Variants in ZNF236 observed in about 807,000 individuals in gnomAD.
ZNF236 encodes the protein zinc finger protein 236.
ZNF236 carries 50 observed loss-of-function variants against 191.2 expected under a neutral mutation model. The observed-to-expected ratio is 0.26, with a 90% CI of 0.21 to 0.33. The LOEUF (loss-of-function observed/expected upper bound fraction) is 0.33, where lower values mean the gene tolerates loss of function less well. ZNF236 is among the 10% of genes least tolerant of loss of function. The probability of loss-of-function intolerance (pLI) is 1.00; values close to 1 mark genes in which losing one functional copy is unlikely to be tolerated. For synonymous variants in ZNF236, 907 were observed against 928.8 expected, an observed-to-expected ratio of 0.98 and a Z score of 0.43; for missense variants, 1,754 against 2,374.5, an observed-to-expected ratio of 0.74 and a Z score of 5.43.
intron 1 of ZNF236, among the ~76,000 whole-genome samples, chr18:76,836,722 C>T (rs1367603118): frequency 3.3e-5 from 5 of 151,442 alleles, no homozygotes; most frequent in South Asian, 2.1e-4. Context: ...GAGCTACAGG[C>T]GCCCGCCACC....
At chr18:76,940,471 A>G (rs1451098772) in intron 26 of ZNF236, among the ~76,000 whole-genome samples, 1 of 152,226 alleles carries the variant, frequency 6.6e-6, no homozygotes, top group Non-Finnish European at 1.5e-5. Context: ...TGTGTTTCTT[A>G]TTGTAGACTT....
At chr18:76,862,077 A>G (rs1465593074) in intron 3 of ZNF236, among the ~76,000 whole-genome samples, 1 of 152,040 alleles carries the variant, frequency 6.6e-6, no homozygotes, top group African/African-American at 2.4e-5. Flanking sequence ...GTTAGCCAGG[A>G]TGGTCTCAAT....
rs765828358 is a variant in ZNF236 at position 76,947,663 on chromosome 18, T to C, written c.4914+11T>C. 9.3e-6 allele frequency: 15 copies of C among 1,611,840 alleles called. No homozygotes were observed. Among genetic ancestry groups the C allele is most frequent in the Non-Finnish European group, 1.3e-5 (15 of 1,178,794 alleles). On this transcript the variant is annotated intron_variant, in intron 27 of 30. Transcript: ENST00000320610. ...GAAATAGCCTACCAGGTACAGGATA[T>C]TCCTTCATTCACAGAGCTTTTGTCG...
rs1314894466 is a variant in ZNF236, at chr18:76,923,083, C to A, written c.3570C>A (p.Ile1190=). Residue 1190 remains isoleucine (I), a synonymous_variant, in exon 21 of 31, where the codon ATC becomes ATA. Transcript: ENST00000320610. The stretch of plus-strand genomic sequence containing the variant: ...GCTTTTTGGATAGGCATGTTCGAAT[C>A]CATACTGGAGAAAAGCCATACAAAT... ...KPSDLVRHVR[I]HTGEKPYKCD... is the part of the protein sequence containing the mutation. 1 of 1,613,086 alleles carries A rather than the reference C, an allele frequency of 6.2e-7. No homozygotes were observed. Among genetic ancestry groups the A allele is most frequent in the Non-Finnish European group, 8.5e-7 (1 of 1,179,226 alleles).
At chr18:76,929,623 T>A (rs1452616824) in intron 25 of ZNF236, among the ~76,000 whole-genome samples, 1 of 152,214 alleles carries the variant, frequency 6.6e-6, no homozygotes, top group Non-Finnish European at 1.5e-5. Context: ...AACTAATATT[T>A]TAAGAATTTG....
intron 10 of ZNF236, among the ~76,000 whole-genome samples, chr18:76,897,939 C>T (rs183278072): frequency 4.6e-5 from 7 of 152,304 alleles, no homozygotes; most frequent in Non-Finnish European, 8.8e-5. Flanking sequence ...AAAACAGATG[C>T]AACCTTGATC....
intron 27 of ZNF236, among the ~76,000 whole-genome samples, chr18:76,948,805 C>T (rs1169026135): frequency 1.3e-5 from 2 of 152,216 alleles, no homozygotes; most frequent in Admixed American, 6.5e-5. Flanking sequence ...TATGCGGTCT[C>T]CAGGCCCCTG....
intron 28 of ZNF236, among the ~76,000 whole-genome samples, chr18:76,956,995 A>T (rs577038046): frequency 6.6e-6 from 1 of 152,328 alleles, no homozygotes; most frequent in East Asian, 1.9e-4. Flanking sequence ...AAACCCCGTA[A>T]CATGAGAAAA....
chr18:76,914,022 A>G, intron 18 of ZNF236, 124 bp downstream of exon 18: 1 of 1,078,628 alleles, frequency 9.3e-7, no homozygotes, highest in Non-Finnish European at 1.3e-6. Context: ...TAGTATGTTC[A>G]TAGAGTTCTG....
intron 30 of ZNF236, among the ~76,000 whole-genome samples, chr18:76,962,117 G>C (rs1393435900): frequency 6.6e-6 from 1 of 152,002 alleles, no homozygotes; most frequent in African/African-American, 2.4e-5. Context: ...ATTCACTTTT[G>C]TGCTCTTGGT....
intron 27 of ZNF236, 103 bp from the exon 28 acceptor site, chr18:76,955,882 C>A: frequency 7.6e-7 from 1 of 1,320,218 alleles, no homozygotes; most frequent in Non-Finnish European, 1.1e-6. Flanking sequence ...CTTGGCGTGT[C>A]CGTGCTAGGA....
At chr18:76,869,131 G>T (rs1431860755) in intron 4 of ZNF236, among the ~76,000 whole-genome samples, 4 of 152,208 alleles carry the variant, frequency 2.6e-5, no homozygotes, top group African/African-American at 9.7e-5. Context: ...ATGTTTATGG[G>T]TAGGTAACAA....
intron 26 of ZNF236, among the ~76,000 whole-genome samples, chr18:76,940,324 A>G (rs62103927): frequency 6.3e-5 from 3 of 47,296 alleles, no homozygotes; most frequent in Admixed American, 2.6e-4. Context: ...ATGGTGGGCT[A>G]CCCTAGCATT....
At chr18:76,898,974 G>A (rs769930415) in intron 10 of ZNF236, 45 bp from the exon 11 acceptor site, 6 of 1,521,872 alleles carry the variant, frequency 3.9e-6, no homozygotes, top group Non-Finnish European at 5.5e-6. Context: ...CTGTTGAGAT[G>A]TAATTTCTGG....
At chr18:76,888,929 G>A (rs887234041) in intron 9 of ZNF236, among the ~76,000 whole-genome samples, 2 of 152,214 alleles carry the variant, frequency 1.3e-5, no homozygotes, top group African/African-American at 4.8e-5. Flanking sequence ...GTGGTCTATG[G>A]CACCTTCTCT....
intron 26 of ZNF236, among the ~76,000 whole-genome samples, chr18:76,946,422 G>A (rs1277345192): frequency 1.3e-5 from 2 of 152,130 alleles, no homozygotes; most frequent in African/African-American, 4.8e-5. Flanking sequence ...GCGTGAAAAC[G>A]GACTAATATA....
At position 76,915,811 on chromosome 18, in the gene ZNF236, C is replaced by A. The variant is rs766179520; in HGVS notation, c.3226C>A (p.Gln1076Lys). 2 of 1,614,136 alleles carry A rather than the reference C, an allele frequency of 1.2e-6. No homozygotes were observed. The highest frequency in any genetic ancestry group is 2.2e-5 in the South Asian group (2 of 91,076). Residue 1076 changes from glutamine to lysine, a missense_variant, in exon 19 of 31, where the codon CAA becomes AAA. By Grantham distance (53) the Gln-to-Lys change is moderately conservative (BLOSUM62 1). This residue lies in a region of ZNF236 where 641 missense variants were observed against 869.6 expected (regional missense o/e 0.74). Coordinates refer to ENST00000320610, the MANE Select transcript of ZNF236 (RefSeq NM_001306089.2). The stretch of plus-strand genomic sequence containing the variant: ...TTGTAAAAAGCACATGAAGAGACAC[C>A]AAACAGTCCCCTCTGCTGTGTCAGC... Reference protein sequence around the residue: ...VHCKKHMKRHQTVPSAVSATG... With the variant: ...VHCKKHMKRHKTVPSAVSATG...
rs950833451 is a variant in ZNF236, at chr18:76,913,840, C to T, written c.3003C>T (p.Leu1001=). The change falls in exon 18 of 31, where the codon CTC becomes CTT. Residue 1001 remains leucine (L), a synonymous_variant. Coordinates refer to ENST00000320610, the MANE Select transcript of ZNF236 (RefSeq NM_001306089.2). ...GGGAAAAGCCCTACAAGTGCAAGCT[C>T]TGTGGACGCGGCTTTGTTTCCTCTG... ...HTGEKPYKCK[L]CGRGFVSSGV... The T allele has an allele frequency of 1.2e-6, 2 of 1,614,138 alleles. No homozygotes were observed. Among genetic ancestry groups the T allele is most frequent in the Non-Finnish European group, 1.7e-6 (2 of 1,180,058 alleles).
In ZNF236 at chr18:76,880,517, A is replaced by G. The variant is rs917468033; in HGVS notation, c.1188+201A>G. 3.9e-5 allele frequency among the ~76,000 whole-genome samples: 6 copies of G among 152,100 alleles called. No homozygotes were observed. The highest frequency in any genetic ancestry group is 7.4e-5 in the Non-Finnish European group (5 of 68,006). ...ATTCAAATGATTTATTCATCTATAC[A>G]TTAAAAAAAAAATCACAAACTTTTA... is the stretch of plus-strand genomic sequence containing the variant. On this transcript the variant is annotated intron_variant, in intron 8 of 30. Coordinates refer to ENST00000320610, the MANE Select transcript of ZNF236 (RefSeq NM_001306089.2). The surrounding 1 kb of genome is among the most constrained non-coding windows in gnomAD (Gnocchi z 5.0).
Sources: allele counts gnomAD v4.1 joint callset (sites outside exome capture counted in the v4.1 genomes callset), GRCh38; gene constraint gnomAD v4.1.1; regional missense constraint gnomAD v4.1.1; non-coding constraint Gnocchi (gnomAD v3.1); transcripts MANE v1.5; gene names NCBI Gene and HGNC (gene_info 2026-07-23, HGNC 2026-07-21).